Variants in COL24A1 observed in about 807,000 individuals in gnomAD.
COL24A1 encodes the protein collagen alpha-1(XXIV) chain.
In COL24A1, 224 loss-of-function variants were observed where a neutral mutation model predicts 253.9. The ratio of observed to expected loss-of-function variants is 0.88; its 90% confidence interval spans 0.79 to 0.99. The LOEUF is 0.99. COL24A1 is among the 50% of genes least tolerant of loss of function. The pLI, the probability that COL24A1 is intolerant of heterozygous loss-of-function variation, is 0.00. For synonymous variants in COL24A1, 685 were observed against 673.7 expected, an observed-to-expected ratio of 1.02 and a Z score of -0.26; for missense variants, 2,131 against 2,068.5, an observed-to-expected ratio of 1.03 and a Z score of -0.59.
chr1:85,840,316 A>T (rs1336863399), intron 42 of COL24A1, among the ~76,000 whole-genome samples: 1 of 152,156 alleles, frequency 6.6e-6, no homozygotes, highest in Non-Finnish European at 1.5e-5. Context: ...AGAGACTAGA[A>T]TATTATTTAA....
At chr1:85,808,582 T>A (rs1308913575) in intron 47 of COL24A1, among the ~76,000 whole-genome samples, 2 of 152,216 alleles carry the variant, frequency 1.3e-5, no homozygotes, top group Non-Finnish European at 2.9e-5. Flanking sequence ...TAAAACAGAC[T>A]GAGCAGATAT....
Position 86,017,200 on chromosome 1 carries a change from T to C in COL24A1, c.2261A>G (p.Gln754Arg). The stretch of plus-strand genomic sequence containing the variant: ...TCCTTGGAGTCCTGGGTCACCTGTT[T>C]GGCCCTAAAATGGGGGGGGAGGATC... ...GMRGKSGPSG[Q>R]TGDPGLQGPS... Residue 754 changes from glutamine to arginine, a missense_variant, in exon 19 of 60, where the codon CAA becomes CGA. Physicochemically the swap from Gln to Arg is conservative, Grantham distance 43. Transcript: ENST00000370571. 2.6e-6 allele frequency: 4 copies of C among 1,562,754 alleles called. No individual in the cohort carries two copies. Among genetic ancestry groups the C allele is most frequent in the Non-Finnish European group, 3.4e-6 (4 of 1,163,428 alleles).
chr1:86,143,840 T>C (rs1651494871), intron 2 of COL24A1, among the ~76,000 whole-genome samples: 1 of 152,076 alleles, frequency 6.6e-6, no homozygotes, highest in African/African-American at 2.4e-5. Context: ...CTCATAAGCA[T>C]ACAAATATTT....
At chr1:86,080,511 A>G (rs1382666451) in intron 7 of COL24A1, among the ~76,000 whole-genome samples, 1 of 152,172 alleles carries the variant, frequency 6.6e-6, no homozygotes, top group Non-Finnish European at 1.5e-5. Context: ...ATCAGTATGC[A>G]TTGCAGCCTG....
At chr1:85,904,937 G>A (rs1010409340) in intron 28 of COL24A1, among the ~76,000 whole-genome samples, 1 of 152,182 alleles carries the variant, frequency 6.6e-6, no homozygotes, top group Non-Finnish European at 1.5e-5. Flanking sequence ...TTAGATAGCT[G>A]TAAGGTGGAT....
At position 85,965,036 on chromosome 1, in the gene COL24A1, T is replaced by C; in HGVS notation, c.2490A>G (p.Ala830=). The stretch of plus-strand genomic sequence containing the variant: ...TTAAGCCTTCTGGTCCTGGTTCACC[T>C]GCATACCCCTTTTGACCTGGTTTTC... ...PRGKPGQKGY[A]GEPGPEGLKG... Residue 830 remains alanine (A), a synonymous_variant, in exon 23 of 60, where the codon GCA becomes GCG. Transcript: ENST00000370571. The C allele has an allele frequency of 6.2e-7, 1 of 1,611,266 alleles. No individual in the cohort carries two copies. The highest frequency in any genetic ancestry group is 1.3e-5 in the African/African-American group (1 of 74,972).
chr1:85,943,661 G>A (rs1006927004), intron 24 of COL24A1, among the ~76,000 whole-genome samples: 7 of 152,154 alleles, frequency 4.6e-5, no homozygotes, highest in Non-Finnish European at 8.8e-5. Context: ...TGAGGCTTTC[G>A]AATAGACAAC....
At position 86,120,797 on chromosome 1, in the gene COL24A1, T is replaced by C. The variant is rs979246031; in HGVS notation, c.1491+4048A>G. ...CCCAGCCATCCCATTACTAGGTATATATCCAAAGGATTATAAATCATGCTG... is the reference window on the plus strand; with the variant it reads ...CCCAGCCATCCCATTACTAGGTATACATCCAAAGGATTATAAATCATGCTG... On this transcript the variant is annotated intron_variant, in intron 3 of 59. Coordinates refer to ENST00000370571, the MANE Select transcript of COL24A1 (RefSeq NM_152890.7). Among the ~76,000 whole-genome samples the C allele has an allele frequency of 6.6e-5, 10 of 152,326 alleles. No individual in the cohort carries two copies. The East Asian group carries it at 1.7e-3, about 26-fold the overall frequency.
chr1:85,874,549 A>C lies in COL24A1; in HGVS notation c.3138+100T>G, dbSNP rs1013541305. ...CAAACATTTTCTATAATGTATCAGA[A>C]AGGTTTATTATCCAATTTTTTGAGT... On this transcript the variant is annotated intron_variant, in intron 35 of 59. Transcript: ENST00000370571. 6.9e-6 allele frequency: 7 copies of C among 1,016,064 alleles called. No homozygotes were observed. In the Admixed American group the frequency reaches 1.8e-4, roughly 26 times the overall value. The allele number at this position is 1,016,064 out of a possible 1,614,324, so 62.9% of individuals were successfully genotyped here.
In COL24A1 at chr1:85,823,529, AACTT is replaced by A. The variant is rs1367091556; in HGVS notation, c.3789+3_3789+6del. 1.2e-6 allele frequency: 2 copies of A among 1,613,630 alleles called. No homozygotes were observed. Among genetic ancestry groups the A allele is most frequent in the Admixed American group, 1.7e-5 (1 of 59,916 alleles). On this transcript the variant is annotated splice_donor_5th_base_variant and intron_variant, in intron 45 of 59. Transcript: ENST00000370571. Reference sequence around the variant, plus strand: ...ATCTCAAATTGCCTTAAATAATTTCAACTTACTTCAGATCCTCTCTCTCCTTTTA... The same window carrying A: ...ATCTCAAATTGCCTTAAATAATTTCAACTTCAGATCCTCTCTCTCCTTTTA...
intron 53 of COL24A1, among the ~76,000 whole-genome samples, chr1:85,772,631 C>T (rs1251521150): frequency 6.6e-6 from 1 of 152,068 alleles, no homozygotes; most frequent in African/African-American, 2.4e-5. Flanking sequence ...TGATGATGAG[C>T]ATTTTTTCAC....
intron 28 of COL24A1, among the ~76,000 whole-genome samples, chr1:85,898,990 A>T (rs944725994): frequency 1.5e-4 from 23 of 152,292 alleles, no homozygotes; most frequent in Middle Eastern, 3.4e-3. Context: ...ATGAGGGGTC[A>T]TGCTTAGAAT....
At chr1:85,790,978 A>T (rs1570630008) in intron 47 of COL24A1, among the ~76,000 whole-genome samples, 2 of 152,268 alleles carry the variant, frequency 1.3e-5, no homozygotes, top group East Asian at 3.9e-4. Context: ...AACTGAAGTA[A>T]GTTTCTGAGT....
chr1:85,987,569 T>C (rs755162886), intron 20 of COL24A1, 32 bp downstream of exon 20: 4 of 1,579,852 alleles, frequency 2.5e-6, no homozygotes, highest in Admixed American at 1.7e-5. Context: ...ATAACCATAA[T>C]TGTTTAGTCT....
chr1:85,975,945 A>G (rs1692632018), intron 20 of COL24A1, among the ~76,000 whole-genome samples: 1 of 152,182 alleles, frequency 6.6e-6, no homozygotes, highest in Non-Finnish European at 1.5e-5. Context: ...CAGCAGGAAG[A>G]GCATTGTAGG....
chr1:85,803,689 C>A (rs1472417640), intron 47 of COL24A1, among the ~76,000 whole-genome samples: 1 of 151,782 alleles, frequency 6.6e-6, no homozygotes, highest in African/African-American at 2.4e-5. Flanking sequence ...ATTGCTAGTA[C>A]ATAGAAATAC....
At chr1:85,764,607 T>C (rs544756473) in intron 53 of COL24A1, among the ~76,000 whole-genome samples, 15 of 152,250 alleles carry the variant, frequency 9.9e-5, no homozygotes, top group South Asian at 4.1e-4. Context: ...GCTCTGGTTT[T>C]GTCTTTGTAA....
chr1:85,955,232 G>T (rs1690319354), intron 24 of COL24A1, among the ~76,000 whole-genome samples: 1 of 152,186 alleles, frequency 6.6e-6, no homozygotes. Flanking sequence ...CCACTGGGTG[G>T]CCTGACTCCA....
intron 25 of COL24A1, among the ~76,000 whole-genome samples, chr1:85,910,576 A>C (rs750591053): frequency 6.6e-6 from 1 of 151,998 alleles, no homozygotes; most frequent in Non-Finnish European, 1.5e-5. Flanking sequence ...TCAGCACAGA[A>C]ATAACTAATT....
Sources: allele counts gnomAD v4.1 joint callset (sites outside exome capture counted in the v4.1 genomes callset), GRCh38; gene constraint gnomAD v4.1.1; transcripts MANE v1.5; gene names NCBI Gene and HGNC (gene_info 2026-07-23, HGNC 2026-07-21).